Variants in ARHGEF3 observed in about 807,000 individuals in gnomAD.
ARHGEF3 encodes the protein 59.8 kDA protein.
In ARHGEF3, 28 loss-of-function variants were observed where a neutral mutation model predicts 63.2. The observed-to-expected ratio is 0.44, with a 90% CI of 0.33 to 0.61. The LOEUF (loss-of-function observed/expected upper bound fraction) is 0.61, where lower values mean the gene tolerates loss of function less well. Ranked by LOEUF, ARHGEF3 falls within the 20% of genes least tolerant of loss-of-function variation. The pLI, the probability that ARHGEF3 is intolerant of heterozygous loss-of-function variation, is 0.03. For missense variants in ARHGEF3, 533 were observed against 659.3 expected (o/e 0.81, Z 2.10); for synonymous variants, 266 against 254.2 (o/e 1.05, Z -0.44).
chr3:57,035,085 T>C (rs1241950704), intron 2 of ARHGEF3: 31 of 1,541,424 alleles, frequency 2.0e-5, no homozygotes, highest in Non-Finnish European at 2.6e-5. Flanking sequence ...TGATTATTTT[T>C]ACCTTTCCTT....
intron 3 of ARHGEF3, among the ~76,000 whole-genome samples, chr3:56,918,960 T>C (rs1017742400): frequency 2.0e-5 from 3 of 152,166 alleles, no homozygotes; most frequent in African/African-American, 7.2e-5. Flanking sequence ...TTTTTTTCTA[T>C]CCCGATCCCA....
intron 1 of ARHGEF3, among the ~76,000 whole-genome samples, chr3:57,048,034 C>A (rs1485713909): frequency 6.6e-6 from 1 of 152,128 alleles, no homozygotes; most frequent in Non-Finnish European, 1.5e-5. Context: ...TGATAGTAAC[C>A]CTTGGATGAG....
chr3:56,878,135 G>C (rs2040651105), intron 4 of ARHGEF3, among the ~76,000 whole-genome samples: 1 of 152,156 alleles, frequency 6.6e-6, no homozygotes, highest in South Asian at 2.1e-4. Flanking sequence ...AAGAATGTCT[G>C]GTGCTGAGCT....
At chr3:56,905,909 G>T (rs1258432853) in intron 3 of ARHGEF3, among the ~76,000 whole-genome samples, 1 of 151,958 alleles carries the variant, frequency 6.6e-6, no homozygotes, top group Non-Finnish European at 1.5e-5. Flanking sequence ...TCTGTTGCCA[G>T]GCTAGAGTGA....
At chr3:56,854,501 G>A (rs758242735) in intron 4 of ARHGEF3, among the ~76,000 whole-genome samples, 12 of 152,216 alleles carry the variant, frequency 7.9e-5, no homozygotes, top group Non-Finnish European at 1.3e-4. Flanking sequence ...AAGATGCCTC[G>A]GGTTCAGTGT....
intron 2 of ARHGEF3, among the ~76,000 whole-genome samples, chr3:56,762,274 G>C (rs1242118084): frequency 6.6e-6 from 1 of 152,164 alleles, no homozygotes; most frequent in Non-Finnish European, 1.5e-5. Flanking sequence ...TGGGACCGGA[G>C]TGAAAAATAT....
chr3:57,016,737 G>A lies in ARHGEF3; in HGVS notation c.62+18351C>T, dbSNP rs538733653. 3.9e-5 allele frequency among the ~76,000 whole-genome samples: 6 copies of A among 152,152 alleles called. No individual in the cohort carries two copies. The South Asian group carries it at 6.2e-4, about 16-fold the overall frequency. On this transcript the variant is annotated intron_variant, in intron 2 of 12. Transcript: ENST00000338458. ...TGCCCACCCACACCTCTGAGTTGGT[G>A]CACAGTGTCCTTCACTCTCTTGCTC...
intron 2 of ARHGEF3, among the ~76,000 whole-genome samples, chr3:56,761,723 G>C (rs891731708): frequency 6.6e-6 from 1 of 152,106 alleles, no homozygotes; most frequent in Admixed American, 6.6e-5. Context: ...GAAACTTGAG[G>C]CTCAGAGAAG....
intron 2 of ARHGEF3, among the ~76,000 whole-genome samples, chr3:57,000,145 G>C (rs1212412713): frequency 6.6e-6 from 1 of 152,094 alleles, no homozygotes; most frequent in East Asian, 1.9e-4. Flanking sequence ...ATATGGTAAG[G>C]GCTCGATAAA....
intron 3 of ARHGEF3, among the ~76,000 whole-genome samples, chr3:56,944,394 G>A (rs1699356856): frequency 6.6e-6 from 1 of 152,024 alleles, no homozygotes; most frequent in African/African-American, 2.4e-5. Context: ...CCTCATGGAT[G>A]ACATTGAGGG....
At chr3:56,792,113 A>AAAAAAAAAAAGAAAAGAAAAGAAAAG (rs55899473) in intron 1 of ARHGEF3, among the ~76,000 whole-genome samples, 2 of 139,984 alleles carry the variant, frequency 1.4e-5, no homozygotes, top group African/African-American at 5.9e-5. Flanking sequence ...CAAAAAAAAA[A>AAAAAAAAAAAGAAAAGAAAAGAAAAG]AAAAGAAAAG....
At chr3:56,743,189 G>T (rs144778236) in intron 7 of ARHGEF3, among the ~76,000 whole-genome samples, 1,948 of 152,320 alleles carry the variant, frequency 0.013, 36 homozygotes, top group African/African-American at 0.044. Context: ...TGCTGGACTG[G>T]GGGCCTGATC....
At chr3:56,875,568 G>A (rs780885393) in intron 4 of ARHGEF3, among the ~76,000 whole-genome samples, 6 of 152,122 alleles carry the variant, frequency 3.9e-5, no homozygotes, top group Admixed American at 6.5e-5. Flanking sequence ...TTCTGTACCC[G>A]AGTGATTGAA....
chr3:56,914,424 T>C (rs2041933449), intron 3 of ARHGEF3, among the ~76,000 whole-genome samples: 1 of 152,194 alleles, frequency 6.6e-6, no homozygotes, highest in Non-Finnish European at 1.5e-5. Context: ...TTTAACAATA[T>C]TAATTGACAA....
intron 4 of ARHGEF3, among the ~76,000 whole-genome samples, chr3:56,817,094 T>C (rs2038300600): frequency 6.6e-6 from 1 of 152,146 alleles, no homozygotes; most frequent in East Asian, 1.9e-4. Context: ...CAGAGCACAG[T>C]GTGCTCTTCC....
intron 2 of ARHGEF3, among the ~76,000 whole-genome samples, chr3:56,962,592 C>G (rs943235226): frequency 2.0e-5 from 3 of 152,152 alleles, no homozygotes; most frequent in Non-Finnish European, 4.4e-5. Flanking sequence ...CACAGGAAAG[C>G]CAGGGATGGG....
intron 8 of ARHGEF3, 99 bp downstream of exon 8, chr3:56,737,086 G>T: frequency 1.6e-6 from 2 of 1,278,434 alleles, no homozygotes; most frequent in South Asian, 3.7e-5. Flanking sequence ...AAAAGAACAT[G>T]ACCCTAGATA....
intron 1 of ARHGEF3, among the ~76,000 whole-genome samples, chr3:57,045,084 G>A (rs1421041366): frequency 6.6e-6 from 1 of 152,100 alleles, no homozygotes; most frequent in East Asian, 1.9e-4. Context: ...CTGGCCAACA[G>A]GGTGAAACCT....
intron 4 of ARHGEF3, among the ~76,000 whole-genome samples, chr3:56,882,070 GAC>G (rs2040784517): frequency 6.6e-6 from 1 of 152,162 alleles, no homozygotes; most frequent in South Asian, 2.1e-4. Context: ...TGAGAGAAAA[GAC>G]ACAGGCAATA....
Sources: allele counts gnomAD v4.1 joint callset (sites outside exome capture counted in the v4.1 genomes callset), GRCh38; gene constraint gnomAD v4.1.1; transcripts MANE v1.5; gene names NCBI Gene and HGNC (gene_info 2026-07-23, HGNC 2026-07-21).